The following IPO11 variants were observed in gnomAD, a reference collection of about 807,000 sequenced individuals.
The protein encoded by IPO11 is importin 11.
Under a neutral mutation model 143.2 loss-of-function variants are expected in IPO11, and 66 were observed. That is an observed-to-expected ratio of 0.46 (90% CI 0.38 to 0.57). The LOEUF (loss-of-function observed/expected upper bound fraction) is 0.57, where lower values mean the gene tolerates loss of function less well. Ranked by LOEUF, IPO11 falls within the 20% of genes least tolerant of loss-of-function variation. The pLI is 0.00. For synonymous variants in IPO11, 385 were observed against 377.8 expected (o/e 1.02, Z -0.22); for missense variants, 1,026 against 1,141.0 (o/e 0.90, Z 1.45).
intron 3 of IPO11, among the ~76,000 whole-genome samples, chr5:62,443,633 G>GA (rs139609720): frequency 0.02 from 2,998 of 149,206 alleles, 97 homozygotes; most frequent in African/African-American, 0.07. Context: ...TTAGGATTTG[G>GA]AAGAAAAAAA....
At chr5:62,603,201 T>A (rs1745570315) in intron 29 of IPO11, among the ~76,000 whole-genome samples, 1 of 152,210 alleles carries the variant, frequency 6.6e-6, no homozygotes, top group African/African-American at 2.4e-5. Flanking sequence ...TTCTAATATT[T>A]AACATTGAAG....
At chr5:62,420,856 C>T (rs1462789552) in intron 1 of IPO11, among the ~76,000 whole-genome samples, 1 of 152,204 alleles carries the variant, frequency 6.6e-6, no homozygotes, top group Non-Finnish European at 1.5e-5. Context: ...TGTTGGATTA[C>T]AGGCGTGAGC....
At chr5:62,579,562 AGACAAATTAAC>A (rs1238322370) in intron 27 of IPO11, 2 of 1,551,176 alleles carry the variant, frequency 1.3e-6, no homozygotes, top group Non-Finnish European at 1.7e-6. Context: ...CTGCACTGGG[AGACAAATTAAC>A]TGCCGTAACT....
chr5:62,472,350 A>G (rs1580218477), intron 7 of IPO11, among the ~76,000 whole-genome samples: 1 of 152,110 alleles, frequency 6.6e-6, no homozygotes, highest in Non-Finnish European at 1.5e-5. Context: ...AGTAGTTTGC[A>G]CTGGCTGTCA....
intron 1 of IPO11, among the ~76,000 whole-genome samples, chr5:62,434,879 G>A (rs1744115361): frequency 1.3e-5 from 2 of 151,538 alleles, no homozygotes; most frequent in East Asian, 3.9e-4. Context: ...ACAAAAATTA[G>A]CTGGGCGTGG....
At chr5:62,425,609 C>T (rs1278006994) in intron 1 of IPO11, among the ~76,000 whole-genome samples, 2 of 152,072 alleles carry the variant, frequency 1.3e-5, no homozygotes, top group African/African-American at 2.4e-5. Flanking sequence ...TGAGCCACCA[C>T]GCCTGGCCAA....
In IPO11 at chr5:62,467,089, G is replaced by A. The variant is rs375300413; in HGVS notation, c.517-42G>A. 2.4e-4 allele frequency: 372 copies of A among 1,556,044 alleles called. 1 individual carries two copies. The highest frequency in any genetic ancestry group is 1.7e-4 in the Non-Finnish European group (199 of 1,144,824). On this transcript the variant is annotated intron_variant, in intron 5 of 29. Coordinates refer to ENST00000325324, the MANE Select transcript of IPO11 (RefSeq NM_016338.5). ...TGTAGTTCTAATGTATTACTGAAAT[G>A]TATAATACACTATGAATAAATTTGT...
chr5:62,482,979 G>C (rs1362919340), intron 9 of IPO11, 122 bp from the exon 10 acceptor site: 1 of 631,608 alleles, frequency 1.6e-6, no homozygotes, highest in Admixed American at 3.2e-5. Flanking sequence ...AGTGAACATA[G>C]ACTCCACACT....
chr5:62,470,153 C>A, intron 6 of IPO11, 97 bp from the exon 7 acceptor site: 1 of 1,189,908 alleles, frequency 8.4e-7, no homozygotes, highest in Non-Finnish European at 1.2e-6. Context: ...GATTAACCTC[C>A]AAGCTTGATT....
intron 15 of IPO11, among the ~76,000 whole-genome samples, chr5:62,490,688 C>T (rs1381640069): frequency 6.6e-6 from 1 of 152,048 alleles, no homozygotes; most frequent in Non-Finnish European, 1.5e-5. Context: ...TTAAATAGTA[C>T]AGATTCATAT....
chr5:62,571,746 CA>C (rs1744138191), intron 27 of IPO11, among the ~76,000 whole-genome samples: 1 of 149,826 alleles, frequency 6.7e-6, no homozygotes, highest in African/African-American at 2.5e-5. Context: ...AGTACAGTGG[CA>C]CAATCTCAGC....
At chr5:62,417,321 ATT>A (rs34767317) in intron 1 of IPO11, among the ~76,000 whole-genome samples, 32 of 65,330 alleles carry the variant, frequency 4.9e-4, no homozygotes, top group Middle Eastern at 0.012. Flanking sequence ...TTATTGGTTA[ATT>A]TTTTTTTTTT....
At position 62,593,417 on chromosome 5, in the gene IPO11, G is replaced by A. The variant is rs531753227; in HGVS notation, c.2678+1745G>A. On this transcript the variant is annotated intron_variant, in intron 28 of 29. Transcript: ENST00000325324. ...TAATCCCAGCACTTTGAGAGACTGAGGCAGGCAAATTGCTTGAGGTCTGGA... is the reference window on the plus strand; with the variant it reads ...TAATCCCAGCACTTTGAGAGACTGAAGCAGGCAAATTGCTTGAGGTCTGGA... Among the ~76,000 whole-genome samples the A allele has an allele frequency of 5.9e-5, 9 of 152,246 alleles. No homozygotes were observed. The South Asian group carries it at 1.7e-3, about 28-fold the overall frequency.
At chr5:62,553,971 T>A (rs773024307) in intron 26 of IPO11, among the ~76,000 whole-genome samples, 16 of 152,130 alleles carry the variant, frequency 1.1e-4, no homozygotes, top group Non-Finnish European at 2.1e-4. Context: ...CCTCAGGTGA[T>A]CTGCCCGCCT....
At chr5:62,574,824 G>T (rs926890370) in intron 27 of IPO11, among the ~76,000 whole-genome samples, 3 of 152,116 alleles carry the variant, frequency 2.0e-5, no homozygotes, top group Non-Finnish European at 4.4e-5. Context: ...CATGCTGGGG[G>T]GTGATTAATA....
intron 27 of IPO11, among the ~76,000 whole-genome samples, chr5:62,572,950 T>A (rs1347258443): frequency 6.6e-6 from 1 of 152,206 alleles, no homozygotes; most frequent in Non-Finnish European, 1.5e-5. Flanking sequence ...TGTTTCATTT[T>A]CTCAAGTTCC....
At chr5:62,590,925 G>T (rs1744987237) in intron 27 of IPO11, among the ~76,000 whole-genome samples, 1 of 151,672 alleles carries the variant, frequency 6.6e-6, no homozygotes, top group Non-Finnish European at 1.5e-5. Flanking sequence ...AAATGTTTTT[G>T]TTCTGTTTCT....
rs1016415988 is a variant in IPO11, at chr5:62,556,998, A to G, written c.2461-4138A>G. On this transcript the variant is annotated intron_variant, in intron 26 of 29. Coordinates refer to ENST00000325324, the MANE Select transcript of IPO11 (RefSeq NM_016338.5). ...CAGTATTCTTGTTAGATGTATTCAC[A>G]TGTCCAGCCCTTTCTAAAATCCCTT... is the stretch of plus-strand genomic sequence containing the variant. Among the ~76,000 whole-genome samples, 4 of 152,292 alleles carry G rather than the reference A, an allele frequency of 2.6e-5. No individual in the cohort carries two copies. In the East Asian group the frequency reaches 7.7e-4, roughly 29 times the overall value.
At chr5:62,436,487 G>A (rs1215632862) in intron 1 of IPO11, among the ~76,000 whole-genome samples, 3 of 152,150 alleles carry the variant, frequency 2.0e-5, no homozygotes, top group Non-Finnish European at 4.4e-5. Context: ...TTTTGTACGT[G>A]TATATTGTGA....
Sources: gnomAD v4.1 joint callset for allele counts (sites outside exome capture counted in the v4.1 genomes callset) on GRCh38, gnomAD v4.1.1 for gene constraint, MANE v1.5 for transcripts, NCBI Gene and HGNC (gene_info 2026-07-23, HGNC 2026-07-21) for gene names.